The following ADAMTS3 variants were observed in gnomAD, a reference collection of about 807,000 sequenced individuals.
The protein encoded by ADAMTS3 is ADAM metallopeptidase with thrombospondin type 1 motif 3.
In ADAMTS3, 73 loss-of-function variants were observed where a neutral mutation model predicts 129.0. The ratio of observed to expected loss-of-function variants is 0.57; its 90% confidence interval spans 0.47 to 0.69. The LOEUF (loss-of-function observed/expected upper bound fraction) is 0.69, where lower values mean the gene tolerates loss of function less well. Ranked by LOEUF, ADAMTS3 falls within the 30% of genes least tolerant of loss-of-function variation. ADAMTS3 has a pLI of 0.00. For synonymous variants in ADAMTS3, 477 were observed against 510.8 expected (o/e 0.93, Z 0.89); for missense variants, 1,457 against 1,514.5 (o/e 0.96, Z 0.63).
rs1205854222 is a variant in ADAMTS3 at position 72,450,968 on chromosome 4, AAAGAAGAGAAGAGAAGAGAAG to A, written c.505-36018_505-35998del. On this transcript the variant is annotated intron_variant, in intron 3 of 21. Coordinates refer to ENST00000286657, the MANE Select transcript of ADAMTS3 (RefSeq NM_014243.3). Reference sequence around the variant, plus strand: ...GGAAGGCAGGCAGGCAGGCAGGCAAAAAGAAGAGAAGAGAAGAGAAGAGAAGAGAAGAGAAGAGAAGAGAAG... The same window carrying A: ...GGAAGGCAGGCAGGCAGGCAGGCAAAAGAAGAGAAGAGAAGAGAAGAGAAG... 2.6e-3 allele frequency among the ~76,000 whole-genome samples: 368 copies of A among 139,572 alleles called. 1 individual carries two copies. Among genetic ancestry groups the A allele is most frequent in the African/African-American group, 8.9e-3 (331 of 37,396 alleles). The allele number at this position is 139,572 out of a possible 152,430, so 91.6% of individuals were successfully genotyped here.
rs113741181 is a variant in ADAMTS3 at position 72,351,354 on chromosome 4, C to T, written c.662-11661G>A. Among the ~76,000 whole-genome samples the T allele has an allele frequency of 1.3e-4, 19 of 151,766 alleles. 2 individuals are homozygous for T. Among genetic ancestry groups the T allele is most frequent in the African/African-American group, 4.6e-4 (19 of 41,422 alleles). ...AAATTTCAACAGCCATTTAGCTTGC[C>T]CTAAATGATTTTCTATATACATGTA... On this transcript the variant is annotated intron_variant, in intron 4 of 21. Transcript: ENST00000286657.
intron 2 of ADAMTS3, among the ~76,000 whole-genome samples, chr4:72,556,698 G>A (rs1348625698): frequency 6.6e-6 from 1 of 151,630 alleles, no homozygotes; most frequent in Non-Finnish European, 1.5e-5. Flanking sequence ...CATCTTACAA[G>A]CAAATTCTGA....
chr4:72,456,050 A>G (rs1170073969), intron 3 of ADAMTS3, among the ~76,000 whole-genome samples: 1 of 17,524 alleles, frequency 5.7e-5, no homozygotes, highest in East Asian at 1.1e-3. Context: ...TATATATACT[A>G]TATATATATT....
chr4:72,468,454 A>T (rs987862283), intron 3 of ADAMTS3, among the ~76,000 whole-genome samples: 1 of 152,122 alleles, frequency 6.6e-6, no homozygotes, highest in Non-Finnish European at 1.5e-5. Flanking sequence ...TGTTCTTCTT[A>T]AAAAATGTAT....
At chr4:72,354,778 C>T (rs1468387938) in intron 4 of ADAMTS3, among the ~76,000 whole-genome samples, 5 of 151,902 alleles carry the variant, frequency 3.3e-5, no homozygotes, top group Admixed American at 3.3e-4. Context: ...TTTTATTTTG[C>T]TTGTCTCATC....
At chr4:72,307,970 A>C (rs184972879) in intron 15 of ADAMTS3, among the ~76,000 whole-genome samples, 18 of 152,114 alleles carry the variant, frequency 1.2e-4, no homozygotes, top group Middle Eastern at 3.4e-3. Context: ...TCTGAAAAAC[A>C]GTACCAATAC....
chr4:72,339,509 C>T lies in ADAMTS3; in HGVS notation c.846G>A (p.Leu282=), dbSNP rs551153234. The T allele has an allele frequency of 1.9e-6, 3 of 1,613,860 alleles. No individual in the cohort carries two copies. The highest frequency in any genetic ancestry group is 2.2e-5 in the South Asian group (2 of 91,062). Residue 282 remains leucine, a synonymous_variant, in exon 5 of 22, where the codon CTG becomes CTA. Coordinates refer to ENST00000286657, the MANE Select transcript of ADAMTS3 (RefSeq NM_014243.3). ...CACTACTCACAATGTTCATTAGGGT[C>T]AGGAGGTAGTTTTGGACGTGCTCTT... is the stretch of plus-strand genomic sequence containing the variant. The part of the protein sequence containing the change: ...HGKEHVQNYL[L]TLMNIVNEIY...
chr4:72,292,496 G>A (rs1026757259), intron 19 of ADAMTS3, among the ~76,000 whole-genome samples: 14 of 152,156 alleles, frequency 9.2e-5, no homozygotes, highest in Admixed American at 7.2e-4. Context: ...AAATGCACCC[G>A]ATAGAAACAT....
intron 4 of ADAMTS3, among the ~76,000 whole-genome samples, chr4:72,383,928 ACTTATAACGAATGAGCAAGTAGAAAAG>A (rs1343367203): frequency 6.6e-6 from 1 of 152,072 alleles, no homozygotes; most frequent in Non-Finnish European, 1.5e-5. Flanking sequence ...AGAAAAATAT[ACTTATAACGAATGAGCAAGTAGAAAAG>A]CTCAACAGAC....
intron 2 of ADAMTS3, among the ~76,000 whole-genome samples, chr4:72,565,915 G>T (rs530644703): frequency 6.6e-6 from 1 of 152,290 alleles, no homozygotes; most frequent in East Asian, 1.9e-4. Context: ...TTGGTGGAAT[G>T]GGTGATCTTA....
rs569366036 is a variant in ADAMTS3, at chr4:72,480,558, C to T, written c.505-65587G>A. On this transcript the variant is annotated intron_variant, in intron 3 of 21. Transcript: ENST00000286657. ...TGGGGACTGTTGTGGGGTCGGGGGACGGGGGAGGGATAGCATTAGGAGATA... is the reference window on the plus strand; with the variant it reads ...TGGGGACTGTTGTGGGGTCGGGGGATGGGGGAGGGATAGCATTAGGAGATA... 5.1e-3 allele frequency among the ~76,000 whole-genome samples: 764 copies of T among 148,878 alleles called. 2 individuals are homozygous for T. The highest frequency in any genetic ancestry group is 0.018 in the African/African-American group (708 of 40,278).
chr4:72,308,986 AT>A (rs1719158516), intron 15 of ADAMTS3, among the ~76,000 whole-genome samples: 1 of 152,016 alleles, frequency 6.6e-6, no homozygotes, highest in African/African-American at 2.4e-5. Flanking sequence ...CTAATGTGAT[AT>A]TTTAAAAGTT....
At chr4:72,309,173 T>G (rs61671378) in intron 15 of ADAMTS3, among the ~76,000 whole-genome samples, 29,489 of 151,744 alleles carry the variant, frequency 0.19, 3,416 homozygotes, top group East Asian at 0.47. Flanking sequence ...CTTTTCTAAA[T>G]TTAGTATGTA....
intron 4 of ADAMTS3, among the ~76,000 whole-genome samples, chr4:72,377,600 G>A (rs543133039): frequency 9.2e-5 from 14 of 152,262 alleles, no homozygotes; most frequent in South Asian, 4.1e-4. Flanking sequence ...CCAAAGCTGC[G>A]TAAACTTTCC....
intron 3 of ADAMTS3, among the ~76,000 whole-genome samples, chr4:72,511,513 C>T (rs902834877): frequency 6.6e-6 from 1 of 152,104 alleles, no homozygotes; most frequent in East Asian, 1.9e-4. Context: ...CATACGAAAA[C>T]GTGCTCAACA....
At chr4:72,395,150 C>T (rs764964377) in intron 4 of ADAMTS3, among the ~76,000 whole-genome samples, 10 of 152,102 alleles carry the variant, frequency 6.6e-5, no homozygotes, top group Non-Finnish European at 1.5e-4. Context: ...GTCTCAAACT[C>T]CTGACCTCAG....
Position 72,318,718 on chromosome 4 carries a change from A to C in ADAMTS3, c.1353-14T>G. 3 of 1,609,414 alleles carry C rather than the reference A, an allele frequency of 1.9e-6. No individual in the cohort carries two copies. The highest frequency in any genetic ancestry group is 2.5e-6 in the Non-Finnish European group (3 of 1,178,034). On this transcript the variant is annotated splice_polypyrimidine_tract_variant and intron_variant, in intron 9 of 21. Transcript: ENST00000286657. ...CAGTCATAGGAACTGTAGGAAGAAA[A>C]ATATTGCATGTAGTTAAATGTTCAC... is the stretch of plus-strand genomic sequence containing the variant.
intron 3 of ADAMTS3, among the ~76,000 whole-genome samples, chr4:72,420,829 G>A (rs1026664323): frequency 6.6e-6 from 1 of 152,182 alleles, no homozygotes; most frequent in African/African-American, 2.4e-5. Flanking sequence ...ATGGCAAGCT[G>A]ACTGGAAGGC....
intron 3 of ADAMTS3, among the ~76,000 whole-genome samples, chr4:72,498,633 T>A (rs1560538919): frequency 6.6e-6 from 1 of 150,436 alleles, no homozygotes; most frequent in South Asian, 2.1e-4. Context: ...TCTCTCTCTC[T>A]CACTCTCTCT....
Sources: gnomAD v4.1 joint callset for allele counts (sites outside exome capture counted in the v4.1 genomes callset) on GRCh38, gnomAD v4.1.1 for gene constraint, MANE v1.5 for transcripts, NCBI Gene and HGNC (gene_info 2026-07-23, HGNC 2026-07-21) for gene names.